DAAM1: variants seen among roughly 807,000 people sequenced by gnomAD.
DAAM1 encodes the protein dishevelled associated activator of morphogenesis 1.
In DAAM1, 52 loss-of-function variants were observed where a neutral mutation model predicts 130.0. That is an observed-to-expected ratio of 0.40 (90% CI 0.32 to 0.50). The LOEUF (loss-of-function observed/expected upper bound fraction) is 0.50, where lower values mean the gene tolerates loss of function less well. Among genes scored for constraint, DAAM1 ranks in the 20% least tolerant of loss-of-function variants. DAAM1 has a pLI of 0.61. For missense variants in DAAM1, 1,134 were observed against 1,303.8 expected, an observed-to-expected ratio of 0.87 and a Z score of 2.01; for synonymous variants, 452 against 444.5, an observed-to-expected ratio of 1.02 and a Z score of -0.21.
At chr14:59,276,901 C>T (rs1170766977) in intron 2 of DAAM1, among the ~76,000 whole-genome samples, 1 of 152,184 alleles carries the variant, frequency 6.6e-6, no homozygotes, top group Non-Finnish European at 1.5e-5. Context: ...TCCTCCTGCC[C>T]ATTCCCCCAC....
chr14:59,321,853 T>C (rs57348293), intron 5 of DAAM1, among the ~76,000 whole-genome samples: 33,731 of 152,192 alleles, frequency 0.22, 3,867 homozygotes, highest in East Asian at 0.33. Flanking sequence ...TTAATCGATA[T>C]CCAAGCCTAA....
chr14:59,280,015 G>A (rs962517108), intron 2 of DAAM1, among the ~76,000 whole-genome samples: 6 of 152,076 alleles, frequency 3.9e-5, no homozygotes, highest in Non-Finnish European at 7.4e-5. Flanking sequence ...TTAGGAAAAC[G>A]TAAACTAAAA....
intron 15 of DAAM1, among the ~76,000 whole-genome samples, chr14:59,333,850 G>A (rs113910298): frequency 5.3e-5 from 8 of 152,310 alleles, no homozygotes; most frequent in African/African-American, 1.9e-4. Context: ...CTGCCAAAAT[G>A]CTCTGGGACA....
At chr14:59,218,153 A>G (rs1888651013) in intron 1 of DAAM1, among the ~76,000 whole-genome samples, 1 of 152,110 alleles carries the variant, frequency 6.6e-6, no homozygotes, top group South Asian at 2.1e-4. Context: ...AAAAAATTCA[A>G]GATTAATTTC....
chr14:59,363,623 T>C (rs377639587), intron 22 of DAAM1, 28 bp from the exon 23 acceptor site: 3 of 1,613,658 alleles, frequency 1.9e-6, no homozygotes, highest in Non-Finnish European at 2.5e-6. Flanking sequence ...GAAGCCTGCA[T>C]TGACATTATT....
Position 59,326,576 on chromosome 14 carries a change from T to C in DAAM1, c.1241T>C (p.Ile414Thr), listed in dbSNP as rs919136078. 2.5e-6 allele frequency: 4 copies of C among 1,613,920 alleles called. No individual in the cohort carries two copies. The East Asian group carries it at 8.9e-5, about 36-fold the overall frequency. ...LLDRIIQQIV[I>T]QNDKGQDPDS... The stretch of plus-strand genomic sequence containing the variant: ...GATAGAATTATACAGCAGATAGTTA[T>C]CCAGAATGACAAAGGACAGGACCCT... The change falls in exon 11 of 25, where the codon ATC becomes ACC. Residue 414 changes from isoleucine (I) to threonine (T), a missense_variant. Around this residue, in one of 3 missense-constraint regions of DAAM1, gnomAD observed 391 missense variants for 521.6 expected, o/e 0.75. Coordinates refer to ENST00000360909, the MANE Select transcript of DAAM1 (RefSeq NM_001270520.2).
In DAAM1 at chr14:59,239,688, C is replaced by T. The variant is rs1439299153; in HGVS notation, c.-37-23753C>T. 2.0e-5 allele frequency among the ~76,000 whole-genome samples: 3 copies of T among 152,164 alleles called. No individual in the cohort carries two copies. The East Asian group carries it at 5.8e-4, about 29-fold the overall frequency. On this transcript the variant is annotated intron_variant, in intron 1 of 24. Coordinates refer to ENST00000360909, the MANE Select transcript of DAAM1 (RefSeq NM_001270520.2). ...TCCCTACCACACAGTCTGTCTCTCT[C>T]AAATTCTGCTGTGGATGGAGTTGGA...
intron 1 of DAAM1, among the ~76,000 whole-genome samples, chr14:59,202,065 G>C (rs1030839272): frequency 6.6e-6 from 1 of 152,190 alleles, no homozygotes; most frequent in South Asian, 2.1e-4. Context: ...CAAATAATCA[G>C]TACCATGAGC....
At chr14:59,251,690 G>T (rs1023897330) in intron 1 of DAAM1, among the ~76,000 whole-genome samples, 1 of 152,104 alleles carries the variant, frequency 6.6e-6, no homozygotes, top group African/African-American at 2.4e-5. Context: ...TGTTAGAGGC[G>T]ACTGTCCTCT....
chr14:59,239,349 A>C (rs1382748447), intron 1 of DAAM1, among the ~76,000 whole-genome samples: 3 of 152,168 alleles, frequency 2.0e-5, no homozygotes, highest in African/African-American at 7.2e-5. Flanking sequence ...ATCTTGCAAA[A>C]AATGATTATA....
intron 1 of DAAM1, among the ~76,000 whole-genome samples, chr14:59,206,971 G>T (rs1888280089): frequency 6.6e-6 from 1 of 152,114 alleles, no homozygotes; most frequent in South Asian, 2.1e-4. Context: ...TGATCTATTG[G>T]TAGATAGTTG....
intron 1 of DAAM1, among the ~76,000 whole-genome samples, chr14:59,213,526 A>G (rs1199556744): frequency 6.6e-6 from 1 of 152,192 alleles, no homozygotes; most frequent in Non-Finnish European, 1.5e-5. Flanking sequence ...ACCCACTGCT[A>G]TTCCTAAAAC....
chr14:59,270,406 T>G (rs1283706224), intron 2 of DAAM1, among the ~76,000 whole-genome samples: 1 of 152,122 alleles, frequency 6.6e-6, no homozygotes, highest in Non-Finnish European at 1.5e-5. Context: ...AGGCTCTTTT[T>G]AACAACCAGC....
Position 59,308,028 on chromosome 14 carries a change from C to T in DAAM1, c.274-7252C>T, listed in dbSNP as rs143605485. ...ACAAGTTTCCCTCCACTTAATATGA[C>T]GTGTCTTTTATTCTAAGTCATAAAT... is the stretch of plus-strand genomic sequence containing the variant. On this transcript the variant is annotated intron_variant, in intron 3 of 24. Transcript: ENST00000360909. 6.4e-3 allele frequency among the ~76,000 whole-genome samples: 968 copies of T among 152,244 alleles called. 6 individuals are homozygous for T. Among genetic ancestry groups the T allele is most frequent in the Non-Finnish European group, 7.7e-3 (525 of 68,010 alleles).
chr14:59,263,960 G>A (rs1882309579), intron 2 of DAAM1: 1 of 439,496 alleles, frequency 2.3e-6, no homozygotes, highest in Non-Finnish European at 4.2e-6. Flanking sequence ...TTCCTAATTT[G>A]TCTCCATCCC....
chr14:59,299,169 TC>T (rs1884073626), intron 3 of DAAM1, among the ~76,000 whole-genome samples: 1 of 152,208 alleles, frequency 6.6e-6, no homozygotes. Context: ...TTACGTTTGT[TC>T]CTCATAATTG....
At chr14:59,350,731 A>G (rs548602908) in intron 17 of DAAM1, among the ~76,000 whole-genome samples, 1 of 152,064 alleles carries the variant, frequency 6.6e-6, no homozygotes, top group African/African-American at 2.4e-5. Context: ...GCATGCTGAA[A>G]TGCTGTCTTC....
chr14:59,255,886 C>G (rs1035640865), intron 1 of DAAM1, among the ~76,000 whole-genome samples: 6 of 152,158 alleles, frequency 3.9e-5, no homozygotes, highest in African/African-American at 1.4e-4. Context: ...ATTATGGTCC[C>G]CACTGCACTT....
intron 1 of DAAM1, among the ~76,000 whole-genome samples, chr14:59,247,092 C>T (rs973300509): frequency 1.3e-5 from 2 of 152,014 alleles, no homozygotes; most frequent in African/African-American, 4.8e-5. Context: ...AGGGTCCAGC[C>T]TCATTCTTTT....
Sources: allele counts gnomAD v4.1 joint callset (sites outside exome capture counted in the v4.1 genomes callset), GRCh38; gene constraint gnomAD v4.1.1; regional missense constraint gnomAD v4.1.1; transcripts MANE v1.5; gene names NCBI Gene and HGNC (gene_info 2026-07-23, HGNC 2026-07-21).